The following AVEN variants were observed in gnomAD, a reference collection of about 807,000 sequenced individuals.
AVEN encodes apoptosis and caspase activation inhibitor.
A neutral mutation model predicts 38.1 loss-of-function variants in AVEN; 41 were observed. That is an observed-to-expected ratio of 1.08 (90% CI 0.84 to 1.40). The LOEUF (loss-of-function observed/expected upper bound fraction) is 1.40. Ranked by LOEUF, AVEN falls within the 40% of genes most tolerant of loss-of-function variation. The pLI is 0.00. For missense variants in AVEN, 605 were observed against 438.8 expected (o/e 1.38, Z -3.38); for synonymous variants, 206 against 171.8 (o/e 1.20, Z -1.56).
chr15:34,037,109 CAAAA>C (rs59011779), intron 1 of AVEN, among the ~76,000 whole-genome samples: 1 of 137,692 alleles, frequency 7.3e-6, no homozygotes. Flanking sequence ...AACTCCGTCT[CAAAA>C]AAAAAAAAAA....
At chr15:33,857,632 T>G, downstream of AVEN, 1 of 892,410 alleles carries the variant, frequency 1.1e-6, no homozygotes. Context: ...CATGGCCTGA[T>G]AGCTTTCTTA....
intron 4 of AVEN, among the ~76,000 whole-genome samples, chr15:33,869,618 C>G (rs1345354796): frequency 2.0e-5 from 3 of 152,180 alleles, no homozygotes; most frequent in African/African-American, 7.2e-5. Flanking sequence ...GTAATTCTTT[C>G]TAGTTCTCTA....
At chr15:34,037,551 A>G (rs1899204024) in intron 1 of AVEN, among the ~76,000 whole-genome samples, 1 of 149,098 alleles carries the variant, frequency 6.7e-6, no homozygotes, top group Non-Finnish European at 1.5e-5. Context: ...TTACATATAT[A>G]TTATATATAT....
intron 5 of AVEN, among the ~76,000 whole-genome samples, chr15:34,044,351 TATCAGTCTC>T (rs1899604463): frequency 6.6e-6 from 1 of 152,216 alleles, no homozygotes; most frequent in Non-Finnish European, 1.5e-5. Flanking sequence ...TTACTTGGTT[TATCAGTCTC>T]ATTTGATACA....
At chr15:33,958,597 AAAAAAAAAAGG>A (rs1007511273) in intron 2 of AVEN, among the ~76,000 whole-genome samples, 1 of 151,572 alleles carries the variant, frequency 6.6e-6, no homozygotes, top group Non-Finnish European at 1.5e-5. Context: ...TCTCAAGAAA[AAAAAAAAAAGG>A]AAAAGAAAAG....
At chr15:33,860,750 G>C in intron 11 of AVEN, 1 of 973,004 alleles carries the variant, frequency 1.0e-6, no homozygotes, top group Admixed American at 2.3e-5. Flanking sequence ...CTATTACTTA[G>C]GGCCAGTACT....
rs369391377 is a variant in AVEN at position 33,986,824 on chromosome 15, T to C, written c.445+16208A>G. Among the ~76,000 whole-genome samples the C allele has an allele frequency of 3.9e-5, 6 of 151,980 alleles. No individual in the cohort carries two copies. The South Asian group carries it at 1.0e-3, about 26-fold the overall frequency. On this transcript the variant is annotated intron_variant, in intron 2 of 5. Coordinates refer to ENST00000306730, the MANE Select transcript of AVEN (RefSeq NM_020371.3). ...GGCACGTGCCACCATGCCCAGCTAA[T>C]TGTTTTGTATTTTTAGTAGAGATGG...
intron 11 of AVEN, chr15:33,859,501 A>C: frequency 1.3e-6 from 2 of 1,545,204 alleles, no homozygotes; most frequent in Non-Finnish European, 1.8e-6. Context: ...ACCGAATCAT[A>C]TGAATGATCT....
intron 3 of AVEN, 64 bp downstream of exon 3, chr15:33,875,860 TA>T: frequency 7.0e-7 from 1 of 1,419,830 alleles, no homozygotes; most frequent in Non-Finnish European, 9.9e-7. Context: ...CTCAAGAACG[TA>T]AAAGGTGTTA....
At chr15:33,917,524 T>C (rs898767868) in intron 2 of AVEN, among the ~76,000 whole-genome samples, 2 of 114,360 alleles carry the variant, frequency 1.7e-5, no homozygotes, top group African/African-American at 8.5e-5. Context: ...CACACATACG[T>C]GTATATATAT....
chr15:33,995,870 G>A (rs1174583008), intron 2 of AVEN, among the ~76,000 whole-genome samples: 1 of 152,240 alleles, frequency 6.6e-6, no homozygotes, highest in African/African-American at 2.4e-5. Flanking sequence ...GCTGAAGCGG[G>A]GCGGGGCGCT....
chr15:34,038,805 CCTCCCGG>C lies in AVEN; in HGVS notation c.235_241del (p.Pro79AlafsTer129), dbSNP rs1370625277. ...CGGCGCGCTGGCCCCTGCGCCCCAG[CCTCCCGG>C]CTCCCGGCGGCTGCCTCGCGGGGCG... On this transcript the variant is annotated frameshift_variant, in exon 1 of 6. Coordinates refer to ENST00000306730, the MANE Select transcript of AVEN (RefSeq NM_020371.3). LOFTEE classifies it high-confidence loss of function. 1.7e-6 allele frequency: 2 copies of C among 1,193,060 alleles called. No individual in the cohort carries two copies. The highest frequency in any genetic ancestry group is 1.0e-6 in the Non-Finnish European group (1 of 962,588). The allele number at this position is 1,193,060 out of a possible 1,614,324, so 73.9% of individuals were successfully genotyped here. A position where few individuals can be genotyped will look rare whatever the true frequency, so the allele number is the denominator to read the frequency against.
intron 2 of AVEN, among the ~76,000 whole-genome samples, chr15:33,966,078 G>A (rs557327039): frequency 1.1e-4 from 16 of 152,286 alleles, no homozygotes; most frequent in African/African-American, 3.8e-4. Context: ...AAAGTACTGA[G>A]AGATAATGAT....
chr15:34,023,919 A>C (rs1898322526), intron 1 of AVEN, among the ~76,000 whole-genome samples: 1 of 152,200 alleles, frequency 6.6e-6, no homozygotes, highest in Non-Finnish European at 1.5e-5. Flanking sequence ...GGCAAAATAG[A>C]GGACTCTATC....
At chr15:34,073,395 T>C (rs1900669284) in intron 1 of AVEN, among the ~76,000 whole-genome samples, 1 of 151,856 alleles carries the variant, frequency 6.6e-6, no homozygotes, top group Non-Finnish European at 1.5e-5. Flanking sequence ...TGTTAAATAC[T>C]GTTTAGCAAT....
intron 4 of AVEN, among the ~76,000 whole-genome samples, chr15:33,869,158 T>G (rs1348986240): frequency 1.3e-5 from 2 of 152,192 alleles, no homozygotes; most frequent in Non-Finnish European, 2.9e-5. Context: ...TGGGACATGG[T>G]CCTCTATTCT....
intron 3 of AVEN, among the ~76,000 whole-genome samples, chr15:33,871,726 A>G (rs948988584): frequency 2.0e-5 from 3 of 148,196 alleles, no homozygotes; most frequent in African/African-American, 7.4e-5. Context: ...TTAGGCAGTG[A>G]GAAGGGACTG....
chr15:33,869,406 C>T (rs1204799748), intron 4 of AVEN, among the ~76,000 whole-genome samples: 1 of 152,192 alleles, frequency 6.6e-6, no homozygotes, highest in African/African-American at 2.4e-5. Flanking sequence ...CAACCACTTC[C>T]TCTCTGTCCT....
intron 2 of AVEN, among the ~76,000 whole-genome samples, chr15:33,917,303 G>A (rs1301207101): frequency 6.6e-6 from 1 of 150,520 alleles, no homozygotes; most frequent in East Asian, 2.0e-4. Flanking sequence ...ACAAAAATAT[G>A]GAACCAGCCT....
Sources: gnomAD v4.1 joint callset for allele counts (sites outside exome capture counted in the v4.1 genomes callset) on GRCh38, gnomAD v4.1.1 for gene constraint, MANE v1.5 for transcripts, NCBI Gene and HGNC (gene_info 2026-07-23, HGNC 2026-07-21) for gene names.